Variants in MIGA1 observed in about 807,000 individuals in gnomAD.
The protein encoded by MIGA1 is family with sequence similarity 73, member A.
Under a neutral mutation model 82.0 loss-of-function variants are expected in MIGA1, and 58 were observed. The ratio of observed to expected loss-of-function variants is 0.71; its 90% CI spans 0.57 to 0.88. The LOEUF is 0.88. Ranked by LOEUF, MIGA1 falls within the 40% of genes least tolerant of loss-of-function variation. MIGA1 has a pLI of 0.00. For synonymous variants in MIGA1, 249 were observed against 253.6 expected (o/e 0.98, Z 0.17); for missense variants, 751 against 749.1 (o/e 1.00, Z -0.03).
chr1:77,859,083 A>T (rs1188605931), intron 9 of MIGA1, 27 bp downstream of exon 9: 1 of 1,360,578 alleles, frequency 7.3e-7, no homozygotes, highest in Admixed American at 1.7e-5. Flanking sequence ...GTTTATGTTT[A>T]TGAAGGATAT....
intron 2 of MIGA1, among the ~76,000 whole-genome samples, chr1:77,791,369 G>A (rs1309721720): frequency 6.6e-6 from 1 of 151,054 alleles, no homozygotes; most frequent in Non-Finnish European, 1.5e-5. Flanking sequence ...GCTGTTGAAT[G>A]TATTACCAGT....
At chr1:77,865,504 G>A (rs1016515932) in intron 13 of MIGA1, among the ~76,000 whole-genome samples, 11 of 151,908 alleles carry the variant, frequency 7.2e-5, no homozygotes. Flanking sequence ...GAGGTGGGAG[G>A]TTCACTTGAG....
At chr1:77,838,348 A>ATTAT (rs1553221677) in intron 7 of MIGA1, among the ~76,000 whole-genome samples, 72 of 149,368 alleles carry the variant, frequency 4.8e-4, no homozygotes, top group African/African-American at 1.6e-3. Flanking sequence ...TTATTTATTT[A>ATTAT]TTATTTATTT....
At chr1:77,827,743 C>G (rs1298445845) in intron 7 of MIGA1, among the ~76,000 whole-genome samples, 2 of 152,158 alleles carry the variant, frequency 1.3e-5, no homozygotes, top group African/African-American at 4.8e-5. Flanking sequence ...TTTTCCTCTA[C>G]CTGGTTAATT....
Position 77,804,419 on chromosome 1 carries a change from A to G in MIGA1, c.510+1013A>G, listed in dbSNP as rs540199201. 5.3e-5 allele frequency among the ~76,000 whole-genome samples: 8 copies of G among 152,316 alleles called. No individual in the cohort carries two copies. The South Asian group carries it at 8.3e-4, about 16-fold the overall frequency. On this transcript the variant is annotated intron_variant, in intron 4 of 15. Transcript: ENST00000370791. ...CTGCTATTAAATACAGAACAGGCAA[A>G]AGAATATACAATGAGAGCTGGGTGC...
chr1:77,811,015 T>C (rs1683306359), intron 5 of MIGA1: 4 of 1,612,984 alleles, frequency 2.5e-6, no homozygotes, highest in East Asian at 2.2e-5. Flanking sequence ...AGCAAAACAC[T>C]TGGTGCTGGT....
intron 13 of MIGA1, 122 bp from the exon 14 acceptor site, chr1:77,866,216 A>T (rs1685660066): frequency 1.2e-6 from 1 of 864,310 alleles, no homozygotes; most frequent in Non-Finnish European, 1.8e-6. Context: ...TGCCCGGCCG[A>T]CTAGTTCTTA....
In MIGA1 at chr1:77,792,786, C is replaced by CTT. The variant is rs888755051; in HGVS notation, c.196-8527_196-8526dup. On this transcript the variant is annotated intron_variant, in intron 2 of 15. Transcript: ENST00000370791. ...CCCATTTTCTAAATTGGATTGTTTG[C>CTT]TTTTTTTTTTTTTTTTTTTGAGATG... Among the ~76,000 whole-genome samples the CTT allele has an allele frequency of 3.6e-3, 442 of 121,580 alleles. 6 individuals carry two copies. Among genetic ancestry groups the CTT allele is most frequent in the Non-Finnish European group, 5.3e-3 (305 of 57,576 alleles). The allele number at this position is 121,580 out of a possible 152,430, so 79.8% of individuals were successfully genotyped here.
intron 4 of MIGA1, among the ~76,000 whole-genome samples, chr1:77,805,621 C>T (rs935089269): frequency 6.7e-6 from 1 of 150,322 alleles, no homozygotes; most frequent in African/African-American, 2.5e-5. Context: ...CCTCCATCTC[C>T]CGGGTTCCAG....
chr1:77,828,633 A>G (rs1469162485), intron 7 of MIGA1, among the ~76,000 whole-genome samples: 1 of 152,238 alleles, frequency 6.6e-6, no homozygotes, highest in Non-Finnish European at 1.5e-5. Context: ...CCTCAAATAT[A>G]TAAAGTACTA....
At chr1:77,870,245 G>C (rs1685901268) in intron 14 of MIGA1, among the ~76,000 whole-genome samples, 1 of 130,914 alleles carries the variant, frequency 7.6e-6, no homozygotes, top group Non-Finnish European at 1.7e-5. Flanking sequence ...CTCCCTCCCG[G>C]TCGGGGTGGC....
intron 2 of MIGA1, among the ~76,000 whole-genome samples, chr1:77,783,971 G>A (rs751603998): frequency 1.3e-5 from 2 of 152,148 alleles, no homozygotes; most frequent in Non-Finnish European, 2.9e-5. Flanking sequence ...GTTCATCCAT[G>A]TTGTAGCATA....
chr1:77,801,377 T>C lies in MIGA1; in HGVS notation c.242T>C (p.Val81Ala), dbSNP rs746376147. The change falls in exon 3 of 16, where the codon GTG (valine) becomes GCG (alanine). Residue 81 changes from valine (V) to alanine (A), a missense_variant. By Grantham distance (64) the Val-to-Ala change is moderately conservative. Coordinates refer to ENST00000370791, the MANE Select transcript of MIGA1 (RefSeq NM_198549.4). ...AAAAAGTTGTTTGTGGTAACTGCAG[T>C]GAGTGCTATATCTGTAATTTTTCTG... is the stretch of plus-strand genomic sequence containing the variant. 4.4e-6 allele frequency: 7 copies of C among 1,590,330 alleles called. No homozygotes were observed. The highest frequency in any genetic ancestry group is 6.0e-6 in the Non-Finnish European group (7 of 1,174,334).
intron 5 of MIGA1, chr1:77,811,845 C>A: frequency 7.1e-7 from 1 of 1,402,000 alleles, no homozygotes; most frequent in Admixed American, 2.5e-5. Context: ...AGGGCGCCAT[C>A]CTCCCCCGGC....
At chr1:77,845,476 T>C (rs1479994510) in intron 8 of MIGA1, among the ~76,000 whole-genome samples, 3 of 152,236 alleles carry the variant, frequency 2.0e-5, no homozygotes, top group Non-Finnish European at 4.4e-5. Flanking sequence ...GTACTCACTT[T>C]AAATTTATTG....
At chr1:77,858,472 C>G (rs1454432292) in intron 8 of MIGA1, among the ~76,000 whole-genome samples, 2 of 152,140 alleles carry the variant, frequency 1.3e-5, no homozygotes, top group Non-Finnish European at 2.9e-5. Context: ...AAAATCAATT[C>G]AGATTTTATT....
intron 1 of MIGA1, chr1:77,780,175 G>A: frequency 4.0e-6 from 4 of 988,902 alleles, no homozygotes; most frequent in Non-Finnish European, 4.8e-6. Context: ...TGTGGGGTCG[G>A]GGGAGAGCGC....
At position 77,877,179 on chromosome 1, in the gene MIGA1, C is replaced by G. The variant is rs930609071; in HGVS notation, c.*2115C>G. The G allele has an allele frequency of 6.6e-6, 1 of 152,008 alleles. No homozygotes were observed. The highest frequency in any genetic ancestry group is 2.4e-5 in the African/African-American group (1 of 41,380). The allele number at this position is 152,008 out of a possible 1,614,324, so 9.4% of individuals were successfully genotyped here. A position where few individuals can be genotyped will look rare whatever the true frequency, so the allele number is the denominator to read the frequency against. ...AAAGCGAATTTTTAGATTAAAGTGCCTAGTTTCTGATTAATAAATAGAAGA... is the reference window on the plus strand; with the variant it reads ...AAAGCGAATTTTTAGATTAAAGTGCGTAGTTTCTGATTAATAAATAGAAGA... On this transcript the variant is annotated 3_prime_UTR_variant, in exon 16 of 16. Coordinates refer to ENST00000370791, the MANE Select transcript of MIGA1 (RefSeq NM_198549.4).
intron 8 of MIGA1, chr1:77,847,383 T>G: frequency 4.5e-6 from 5 of 1,116,058 alleles, no homozygotes; most frequent in Non-Finnish European, 5.5e-6. Context: ...CAATACTAAA[T>G]TGCTTTTGGG....
Sources: allele counts gnomAD v4.1 joint callset (sites outside exome capture counted in the v4.1 genomes callset), GRCh38; gene constraint gnomAD v4.1.1; transcripts MANE v1.5; gene names NCBI Gene and HGNC (gene_info 2026-07-23, HGNC 2026-07-21).